RARB: variants seen among roughly 807,000 people sequenced by gnomAD.
RARB encodes HBV-activated protein.
A neutral mutation model predicts 51.9 loss-of-function variants in RARB; 17 were observed. That is an observed-to-expected ratio of 0.33 (90% confidence interval 0.22 to 0.49). The LOEUF is 0.49. RARB is among the 20% of genes least tolerant of loss of function. The pLI is 0.99. For synonymous variants in RARB, 215 were observed against 195.4 expected (o/e 1.10, Z -0.84); for missense variants, 369 against 550.8 (o/e 0.67, Z 3.30).
At chr3:25,246,122 G>C (rs1702554328) in intron 5 of RARB, among the ~76,000 whole-genome samples, 1 of 151,804 alleles carries the variant, frequency 6.6e-6, no homozygotes, top group African/African-American at 2.4e-5. Context: ...GCTATTGATA[G>C]TTGTGTATGC....
At chr3:25,260,986 T>A (rs764349575) in intron 5 of RARB, among the ~76,000 whole-genome samples, 99 of 152,154 alleles carry the variant, frequency 6.5e-4, no homozygotes, top group Admixed American at 1.4e-3. Flanking sequence ...TTTGGACAAG[T>A]CACTTAACCT....
intron 1 of RARB, among the ~76,000 whole-genome samples, chr3:24,838,838 A>G (rs1198151688): frequency 6.6e-6 from 1 of 152,054 alleles, no homozygotes; most frequent in African/African-American, 2.4e-5. Context: ...TTTACTTTGG[A>G]GCAATTTCAG....
chr3:24,913,272 C>A (rs1377699265), intron 2 of RARB, among the ~76,000 whole-genome samples: 1 of 152,016 alleles, frequency 6.6e-6, no homozygotes, highest in Non-Finnish European at 1.5e-5. Context: ...GTGTGAGCCA[C>A]CGCGCCCAGC....
intron 5 of RARB, among the ~76,000 whole-genome samples, chr3:25,228,776 G>A (rs1702113513): frequency 6.6e-6 from 1 of 152,090 alleles, no homozygotes; most frequent in African/African-American, 2.4e-5. Context: ...CATGCAGGAA[G>A]TAAGTTGAGA....
At chr3:25,525,010 T>G (rs1172949030) in intron 3 of RARB, among the ~76,000 whole-genome samples, 1 of 152,142 alleles carries the variant, frequency 6.6e-6, no homozygotes, top group Non-Finnish European at 1.5e-5. Flanking sequence ...ATTATAGGCT[T>G]GAGCCACCAC....
At chr3:25,414,654 G>A (rs551943284) in intron 5 of RARB, among the ~76,000 whole-genome samples, 1 of 152,254 alleles carries the variant, frequency 6.6e-6, no homozygotes, top group South Asian at 2.1e-4. Flanking sequence ...TACCTAATTA[G>A]CATTTACCTA....
chr3:25,251,881 C>G (rs73151258), intron 5 of RARB, among the ~76,000 whole-genome samples: 5,094 of 152,104 alleles, frequency 0.033, 177 homozygotes, highest in African/African-American at 0.09. Context: ...TGCAATTTAT[C>G]AAATTTGTCT....
intron 2 of RARB, among the ~76,000 whole-genome samples, chr3:24,908,879 C>T (rs1694929994): frequency 6.6e-6 from 1 of 152,062 alleles, no homozygotes; most frequent in South Asian, 2.1e-4. Flanking sequence ...CCTTGACCCA[C>T]ATTCTCTGCT....
At chr3:24,930,772 G>T (rs1695421272) in intron 2 of RARB, among the ~76,000 whole-genome samples, 1 of 152,078 alleles carries the variant, frequency 6.6e-6, no homozygotes, top group African/African-American at 2.4e-5. Context: ...ATTTTGGAAG[G>T]CCAAGACAGA....
chr3:25,254,094 C>T (rs911026772), intron 5 of RARB, among the ~76,000 whole-genome samples: 2 of 152,050 alleles, frequency 1.3e-5, no homozygotes, highest in African/African-American at 4.8e-5. Context: ...CAATACAGAC[C>T]AATCTGTCTA....
chr3:24,900,053 A>G (rs1363622909), intron 2 of RARB, among the ~76,000 whole-genome samples: 1 of 152,190 alleles, frequency 6.6e-6, no homozygotes, highest in African/African-American at 2.4e-5. Context: ...GTCTTGATTG[A>G]TGTTATAAGT....
intron 2 of RARB, among the ~76,000 whole-genome samples, chr3:24,931,475 C>T (rs1429328919): frequency 6.6e-6 from 1 of 152,020 alleles, no homozygotes; most frequent in Non-Finnish European, 1.5e-5. Context: ...GTGCTCTTTA[C>T]TTCCCTTTGC....
intron 5 of RARB, among the ~76,000 whole-genome samples, chr3:25,338,698 A>G (rs1205377076): frequency 2.0e-5 from 3 of 152,202 alleles, no homozygotes; most frequent in South Asian, 2.1e-4. Context: ...TAAGAGTTTA[A>G]GTCATTTGTT....
intron 5 of RARB, among the ~76,000 whole-genome samples, chr3:25,206,215 C>G (rs1701541916): frequency 6.6e-6 from 1 of 152,154 alleles, no homozygotes; most frequent in Non-Finnish European, 1.5e-5. Flanking sequence ...TGAATCCCCT[C>G]CTTGGTTCTG....
intron 2 of RARB, among the ~76,000 whole-genome samples, chr3:24,979,070 G>C (rs1332680352): frequency 6.6e-6 from 1 of 152,188 alleles, no homozygotes; most frequent in Non-Finnish European, 1.5e-5. Flanking sequence ...TTTTGAGTGA[G>C]TTTCTTAATC....
At chr3:25,133,963 TA>T (rs548061331) in intron 4 of RARB, among the ~76,000 whole-genome samples, 2,121 of 127,494 alleles carry the variant, frequency 0.017, 12 homozygotes, top group Middle Eastern at 0.046. Flanking sequence ...CTGTTTTCAT[TA>T]AAAAAAAAAA....
intron 1 of RARB, among the ~76,000 whole-genome samples, chr3:25,456,555 T>A (rs973376386): frequency 3.3e-5 from 2 of 60,158 alleles, no homozygotes; most frequent in African/African-American, 1.6e-4. Flanking sequence ...ATACCACTGA[T>A]TTTTTTTTTT....
chr3:25,528,297 TG>T (rs1698742934), intron 3 of RARB, among the ~76,000 whole-genome samples: 1 of 152,186 alleles, frequency 6.6e-6, no homozygotes, highest in Non-Finnish European at 1.5e-5. Flanking sequence ...AGCAAGAGAC[TG>T]AGACAGGAAG....
At chr3:25,543,488 ACT>A (rs778312716) in intron 3 of RARB, among the ~76,000 whole-genome samples, 12 of 151,678 alleles carry the variant, frequency 7.9e-5, no homozygotes, top group Non-Finnish European at 1.5e-4. Flanking sequence ...TGCCTCAATA[ACT>A]CTGCAGCTTG....
Sources: gnomAD v4.1 joint callset for allele counts (sites outside exome capture counted in the v4.1 genomes callset) on GRCh38, gnomAD v4.1.1 for gene constraint, MANE v1.5 for transcripts, NCBI Gene and HGNC (gene_info 2026-07-23, HGNC 2026-07-21) for gene names.